Variants in PALS1 observed in about 807,000 individuals in gnomAD.
PALS1 encodes protein PALS1.
In PALS1, 31 loss-of-function variants were observed where a neutral mutation model predicts 78.9. The ratio of observed to expected loss-of-function variants is 0.39; its 90% CI spans 0.30 to 0.53. The LOEUF (loss-of-function observed/expected upper bound fraction) is 0.53. Ranked by LOEUF, PALS1 falls within the 20% of genes least tolerant of loss-of-function variation. The pLI is 0.67. For synonymous variants in PALS1, 276 were observed against 270.9 expected, an observed-to-expected ratio of 1.02 and a Z score of -0.18; for missense variants, 704 against 826.5, an observed-to-expected ratio of 0.85 and a Z score of 1.82.
chr14:67,251,589 A>G (rs550802869), intron 1 of PALS1, among the ~76,000 whole-genome samples: 5 of 113,216 alleles, frequency 4.4e-5, no homozygotes, highest in Middle Eastern at 4.2e-3. Context: ...TGTAAATTGT[A>G]AATAAGCTCC....
Position 67,321,135 on chromosome 14 carries a change from A to G in PALS1, c.1616A>G (p.Asp539Gly), listed in dbSNP as rs1223153227. 1 of 1,614,124 alleles carries G rather than the reference A, an allele frequency of 6.2e-7. No individual in the cohort carries two copies. Among genetic ancestry groups the G allele is most frequent in the East Asian group, 2.2e-5 (1 of 44,894 alleles). Residue 539 changes from aspartate to glycine, a missense_variant, in exon 13 of 15, where the codon GAC becomes GGC. Transcript: ENST00000261681. ...HFVSRQAFEA[D>G]IAAGKFIEHG... ...GTTTCGCGGCAAGCATTCGAGGCAG[A>G]CATAGCAGCTGGAAAGTTCATTGAG...
chr14:67,329,965 T>C (rs1026124724), intron 14 of PALS1, among the ~76,000 whole-genome samples: 3 of 151,346 alleles, frequency 2.0e-5, no homozygotes, highest in Middle Eastern at 3.2e-3. Flanking sequence ...CTGAATCTGT[T>C]CTTCTAGTAT....
At chr14:67,274,428 T>C (rs2084464352) in intron 2 of PALS1, among the ~76,000 whole-genome samples, 1 of 152,180 alleles carries the variant, frequency 6.6e-6, no homozygotes, top group Admixed American at 6.5e-5. Flanking sequence ...GATCAGATGA[T>C]TGTAGATGTG....
intron 3 of PALS1, among the ~76,000 whole-genome samples, chr14:67,284,943 A>G (rs73280987): frequency 0.31 from 47,130 of 151,906 alleles, 11,187 homozygotes; most frequent in African/African-American, 0.64. Context: ...TAGAGACGGG[A>G]TCTCACTGTG....
intron 4 of PALS1, among the ~76,000 whole-genome samples, chr14:67,300,681 T>A (rs1004824824): frequency 2.0e-5 from 3 of 152,044 alleles, no homozygotes; most frequent in African/African-American, 7.3e-5. Flanking sequence ...GTAGGTGCCA[T>A]TCTAAAGATA....
At chr14:67,260,620 G>A (rs1370887301) in intron 1 of PALS1, among the ~76,000 whole-genome samples, 1 of 151,996 alleles carries the variant, frequency 6.6e-6, no homozygotes, top group African/African-American at 2.4e-5. Flanking sequence ...TGATGGAAGA[G>A]GAAAATCTTA....
At chr14:67,280,880 CCT>C (rs2084598989) in intron 3 of PALS1, among the ~76,000 whole-genome samples, 1 of 134,070 alleles carries the variant, frequency 7.5e-6, no homozygotes, top group African/African-American at 2.8e-5. Context: ...TCCCTCCCTC[CCT>C]TTTCTTTCTT....
At chr14:67,285,716 A>G (rs889055754) in intron 3 of PALS1, among the ~76,000 whole-genome samples, 2 of 152,076 alleles carry the variant, frequency 1.3e-5, no homozygotes, top group African/African-American at 4.8e-5. Context: ...AATCTTCCAC[A>G]TGGTTACCCA....
intron 1 of PALS1, among the ~76,000 whole-genome samples, chr14:67,248,423 G>A (rs1284749046): frequency 6.6e-6 from 1 of 151,952 alleles, no homozygotes; most frequent in Non-Finnish European, 1.5e-5. Context: ...GTAGAGTCAA[G>A]GTATTCATTA....
At chr14:67,249,055 C>T (rs978966560) in intron 1 of PALS1, among the ~76,000 whole-genome samples, 6 of 151,996 alleles carry the variant, frequency 3.9e-5, no homozygotes, top group African/African-American at 1.2e-4. Context: ...CTCTGCCTCC[C>T]GGGTTCAAGT....
intron 1 of PALS1, among the ~76,000 whole-genome samples, chr14:67,262,214 G>T (rs2084249607): frequency 6.6e-6 from 1 of 152,126 alleles, no homozygotes; most frequent in Non-Finnish European, 1.5e-5. Context: ...ACAAATGTAA[G>T]ATATAAGTAT....
At chr14:67,262,968 C>G (rs8008236) in intron 1 of PALS1, among the ~76,000 whole-genome samples, 23,553 of 151,974 alleles carry the variant, frequency 0.15, 3,444 homozygotes, top group East Asian at 0.42. Flanking sequence ...TTAAAAAAAA[C>G]TTTGCTAGCC....
At position 67,272,868 on chromosome 14, in the gene PALS1, C is replaced by T. The variant is rs557256972; in HGVS notation, c.-154+3085C>T. On this transcript the variant is annotated intron_variant, in intron 2 of 14. Coordinates refer to ENST00000261681, the MANE Select transcript of PALS1 (RefSeq NM_022474.4). ...TGTTTTTGTAGAGATGGGGTATCAC[C>T]ATATTGCCCAGGCTGGTCTCAAACT... 1.1e-4 allele frequency among the ~76,000 whole-genome samples: 17 copies of T among 152,138 alleles called. No individual in the cohort carries two copies. In the South Asian group the frequency reaches 3.1e-3, roughly 28 times the overall value.
chr14:67,321,288 G>T, intron 13 of PALS1, 29 bp downstream of exon 13: 2 of 1,605,656 alleles, frequency 1.2e-6, no homozygotes, highest in South Asian at 2.2e-5. Context: ...TTTAGGGTTT[G>T]AACTTAGAAG....
chr14:67,303,456 TC>T, intron 7 of PALS1, 65 bp from the exon 8 acceptor site: 1 of 1,266,684 alleles, frequency 7.9e-7, no homozygotes, highest in Non-Finnish European at 1.2e-6. Flanking sequence ...GGAATATAGA[TC>T]ATAAAATCAT....
chr14:67,328,334 A>AT (rs1272805715), intron 14 of PALS1, among the ~76,000 whole-genome samples: 2 of 151,918 alleles, frequency 1.3e-5, no homozygotes, highest in East Asian at 1.9e-4. Flanking sequence ...GGATTGTTTG[A>AT]TTTTTTCTTG....
At chr14:67,275,230 C>T (rs933074795) in intron 2 of PALS1, among the ~76,000 whole-genome samples, 2 of 152,122 alleles carry the variant, frequency 1.3e-5, no homozygotes, top group Non-Finnish European at 2.9e-5. Context: ...AGTTTTTGCC[C>T]ATTCAGTATG....
Position 67,279,162 on chromosome 14 carries a change from T to C in PALS1, c.-9T>C, listed in dbSNP as rs1297558429. On this transcript the variant is annotated 5_prime_UTR_variant, in exon 3 of 15. Transcript: ENST00000261681. The stretch of plus-strand genomic sequence containing the variant: ...TTATAAAAAGTGGTACAGGTTTTCA[T>C]AGATAACCATGACAACATCCCATAT... 3.8e-6 allele frequency: 6 copies of C among 1,558,814 alleles called. No individual in the cohort carries two copies. The highest frequency in any genetic ancestry group is 5.2e-6 in the Non-Finnish European group (6 of 1,156,114).
intron 8 of PALS1, among the ~76,000 whole-genome samples, chr14:67,309,216 G>C (rs2085052790): frequency 6.6e-6 from 1 of 151,974 alleles, no homozygotes; most frequent in Admixed American, 6.5e-5. Flanking sequence ...GGCTTTTTTT[G>C]TTGTATGAGA....
Sources: allele counts gnomAD v4.1 joint callset (sites outside exome capture counted in the v4.1 genomes callset), GRCh38; gene constraint gnomAD v4.1.1; transcripts MANE v1.5; gene names NCBI Gene and HGNC (gene_info 2026-07-23, HGNC 2026-07-21).